Variants in EGFL6 observed in about 807,000 individuals in gnomAD.
EGFL6 encodes EGF like domain multiple 6.
EGFL6 carries 42 observed loss-of-function variants against 43.1 expected under a neutral mutation model. The observed-to-expected ratio is 0.98, with a 90% CI of 0.76 to 1.26. EGFL6 has a LOEUF of 1.26. Ranked by LOEUF, EGFL6 falls within the 50% of genes most tolerant of loss-of-function variation. The pLI is 0.00. For synonymous variants in EGFL6, 164 were observed against 163.2 expected (o/e 1.01, Z -0.04); for missense variants, 429 against 427.8 (o/e 1.00, Z -0.02).
chrX:13,569,915 T>C lies in EGFL6; in HGVS notation c.54T>C (p.Gly18=), dbSNP rs775039918. 8.3e-7 allele frequency: 1 copy of C among 1,211,371 alleles called. No homozygotes were observed. Among genetic ancestry groups the C allele is most frequent in the Non-Finnish European group, 1.1e-6 (1 of 895,149 alleles). ...CGCTGCTGCTCTCCTGGGTGGCAGG[T>C]GGTTTCGGGAACGCGGCCAGGTGAG... ...ALPLLLSWVA[G]GFGNAASARH... The change falls in exon 1 of 12, where the codon GGT becomes GGC. Residue 18 remains glycine, a synonymous_variant. Transcript: ENST00000361306.
At chrX:13,581,992 G>A (rs2045508485) in intron 1 of EGFL6, among the ~76,000 whole-genome samples, 1 of 111,434 alleles carries the variant, frequency 9.0e-6, no homozygotes, top group Admixed American at 9.5e-5. Context: ...AGTCCATCTA[G>A]ACCTTCCAAG....
At position 13,603,430 on chromosome X, in the gene EGFL6, T is replaced by C. The variant is rs140395935; in HGVS notation, c.514T>C (p.Cys172Arg). Residue 172 changes from cysteine to arginine, a missense_variant, in exon 5 of 12, where the codon TGT becomes CGT. Cys to Arg is a radical substitution (Grantham distance 180). Coordinates refer to ENST00000361306, the MANE Select transcript of EGFL6 (RefSeq NM_015507.4). ...GLRLAPNGRD[C>R]LDIDECASGK... ...CCGCCTGGCCCCAAATGGAAGAGAC[T>C]GTCTAGGTACAACAGCAGGAATCAC... 1 of 1,206,911 alleles carries C rather than the reference T, an allele frequency of 8.3e-7. No individual in the cohort carries two copies. Among genetic ancestry groups the C allele is most frequent in the Admixed American group, 2.2e-5 (1 of 45,099 alleles).
chrX:13,581,197 C>T (rs370740723), intron 1 of EGFL6, among the ~76,000 whole-genome samples: 3 of 112,150 alleles, frequency 2.7e-5, no homozygotes, highest in Middle Eastern at 4.6e-3. Flanking sequence ...TTACTACTAT[C>T]CCTACCAGTC....
At chrX:13,599,895 CA>C in intron 3 of EGFL6, 79 bp from the exon 4 acceptor site, 1 of 1,102,188 alleles carries the variant, frequency 9.1e-7, no homozygotes, top group African/African-American at 1.8e-5. Flanking sequence ...TTGTCCTTTC[CA>C]AGACTGGGGT....
intron 11 of EGFL6, among the ~76,000 whole-genome samples, chrX:13,628,318 G>T (rs935108851): frequency 4.5e-5 from 5 of 110,005 alleles, no homozygotes; most frequent in African/African-American, 1.7e-4. Context: ...AGAGGAAGTT[G>T]GTCAAGTGGA....
At chrX:13,576,500 G>A (rs919454055) in intron 1 of EGFL6, among the ~76,000 whole-genome samples, 1 of 111,786 alleles carries the variant, frequency 8.9e-6, no homozygotes, top group African/African-American at 3.3e-5. Context: ...GGAAATAAAT[G>A]AAGAACATCA....
chrX:13,603,498 T>C, intron 5 of EGFL6, 62 bp downstream of exon 5: 1 of 1,087,283 alleles, frequency 9.2e-7, no homozygotes, highest in South Asian at 2.5e-5. Flanking sequence ...TTTTACTGAA[T>C]CTTTTTTCAT....
intron 1 of EGFL6, among the ~76,000 whole-genome samples, chrX:13,577,673 A>G (rs1461352296): frequency 9.0e-6 from 1 of 111,374 alleles, no homozygotes; most frequent in Admixed American, 9.6e-5. Context: ...AGAGTAAATG[A>G]ATGGATGGAT....
chrX:13,589,733 C>G (rs1213371635), intron 2 of EGFL6, 65 bp downstream of exon 2: 2 of 922,719 alleles, frequency 2.2e-6, no homozygotes, highest in Non-Finnish European at 3.0e-6. Context: ...TCTGTCATAC[C>G]ATGAACTGCC....
Position 13,569,606 on chromosome X carries a change from CCCCGT to C in EGFL6, c.-253_-249del. On this transcript the variant is annotated 5_prime_UTR_variant, in exon 1 of 12. Coordinates refer to ENST00000361306, the MANE Select transcript of EGFL6 (RefSeq NM_015507.4). ...AGCCCGCCCCGCCCTCCCTCGCTCA[CCCCGT>C]CCAGCTTCATCCGCAGAGGAGCCTC... 6.2e-6 allele frequency: 2 copies of C among 321,487 alleles called. No individual in the cohort carries two copies. Among genetic ancestry groups the C allele is most frequent in the Non-Finnish European group, 1.1e-5 (2 of 180,240 alleles). 26.5% of individuals were successfully genotyped at this position (321,487 alleles called of 1,213,427 possible).
intron 7 of EGFL6, among the ~76,000 whole-genome samples, chrX:13,611,468 T>C (rs1372704650): frequency 8.9e-6 from 1 of 111,898 alleles, no homozygotes; most frequent in African/African-American, 3.3e-5. Flanking sequence ...ACATACTCAC[T>C]CTCCTACCCC....
intron 7 of EGFL6, among the ~76,000 whole-genome samples, chrX:13,612,108 A>G (rs894483983): frequency 1.8e-5 from 2 of 109,676 alleles, no homozygotes; most frequent in African/African-American, 6.7e-5. Context: ...GGGATTTGGC[A>G]GGGTCATAGG....
At chrX:13,629,603 G>C (rs2045800081) in intron 11 of EGFL6, among the ~76,000 whole-genome samples, 1 of 111,704 alleles carries the variant, frequency 9.0e-6, no homozygotes, top group Non-Finnish European at 1.9e-5. Context: ...GACTAATCCA[G>C]TCTAAAGAAT....
At chrX:13,625,896 AAAAAAAAGAAAAAG>A (rs201753697) in intron 10 of EGFL6, among the ~76,000 whole-genome samples, 33,993 of 90,745 alleles carry the variant, frequency 0.37, 5,959 homozygotes, top group East Asian at 0.56. Flanking sequence ...AAAAAAAAAA[AAAAAAAAGAAAAAG>A]AAAAAAAGAA....
chrX:13,582,032 A>G (rs763380263), intron 1 of EGFL6, among the ~76,000 whole-genome samples: 1 of 109,292 alleles, frequency 9.1e-6, no homozygotes, highest in African/African-American at 3.3e-5. Context: ...GGATTAGTAC[A>G]GTCCAAAATT....
At chrX:13,584,387 A>T (rs1222982178) in intron 1 of EGFL6, among the ~76,000 whole-genome samples, 1 of 111,772 alleles carries the variant, frequency 8.9e-6, no homozygotes, top group East Asian at 2.8e-4. Flanking sequence ...CATCTCTTAC[A>T]TGCTGGCATC....
chrX:13,588,427 T>C (rs1353715546), intron 1 of EGFL6, among the ~76,000 whole-genome samples: 1 of 112,487 alleles, frequency 8.9e-6, no homozygotes. Context: ...TTTTACAGTG[T>C]ATTTAATATG....
At chrX:13,589,177 C>T (rs1270416169) in intron 1 of EGFL6, among the ~76,000 whole-genome samples, 4 of 111,950 alleles carry the variant, frequency 3.6e-5, no homozygotes, top group African/African-American at 6.5e-5. Context: ...GATAAAAGTG[C>T]AGAGCTCTGG....
At chrX:13,618,133 C>T (rs908319495) in intron 8 of EGFL6, 80 bp downstream of exon 8, 34 of 995,423 alleles carry the variant, frequency 3.4e-5, no homozygotes, top group East Asian at 9.7e-5. Flanking sequence ...GACAAAAAGC[C>T]GGTTTCACAG....
Sources: allele counts gnomAD v4.1 joint callset (sites outside exome capture counted in the v4.1 genomes callset), GRCh38; gene constraint gnomAD v4.1.1; transcripts MANE v1.5; gene names NCBI Gene and HGNC (gene_info 2026-07-23, HGNC 2026-07-21).